SNTG1: variants seen among roughly 807,000 people sequenced by gnomAD.
SNTG1 encodes gamma-1-syntrophin.
A neutral mutation model predicts 74.7 loss-of-function variants in SNTG1; 39 were observed. The observed-to-expected ratio is 0.52, with a 90% confidence interval of 0.40 to 0.68. The LOEUF is 0.68. SNTG1 is among the 30% of genes least tolerant of loss of function. SNTG1 has a pLI of 0.00. For missense variants in SNTG1, 685 were observed against 609.5 expected (o/e 1.12, Z -1.30); for synonymous variants, 254 against 217.1 (o/e 1.17, Z -1.49).
chr8:50,449,366 G>T (rs1456201994), intron 5 of SNTG1, among the ~76,000 whole-genome samples: 2 of 152,156 alleles, frequency 1.3e-5, no homozygotes, highest in African/African-American at 4.8e-5. Flanking sequence ...TCCTAAATAA[G>T]AATTTCTATT....
intron 2 of SNTG1, among the ~76,000 whole-genome samples, chr8:50,190,846 T>C (rs369295050): frequency 5.1e-4 from 78 of 152,218 alleles, no homozygotes; most frequent in African/African-American, 1.8e-3. Context: ...GTTCACTCTT[T>C]CAGTAGGTGA....
intron 1 of SNTG1, among the ~76,000 whole-genome samples, chr8:50,144,535 A>G (rs1047148746): frequency 6.6e-6 from 1 of 152,182 alleles, no homozygotes; most frequent in Non-Finnish European, 1.5e-5. Context: ...GCTGTAAGTG[A>G]AGGGTGAGAA....
chr8:50,304,223 G>C (rs912523622), intron 2 of SNTG1, among the ~76,000 whole-genome samples: 10 of 152,092 alleles, frequency 6.6e-5, no homozygotes, highest in African/African-American at 2.4e-4. Flanking sequence ...TTTTCTGTCT[G>C]TCTCTCCCAC....
chr8:50,482,435 C>A (rs1351045461), intron 8 of SNTG1, among the ~76,000 whole-genome samples: 2 of 152,154 alleles, frequency 1.3e-5, no homozygotes, highest in Admixed American at 6.5e-5. Context: ...GTGAGAATTA[C>A]CCTCAGTAGT....
At chr8:50,632,598 C>T (rs977861630) in intron 13 of SNTG1, among the ~76,000 whole-genome samples, 1 of 152,126 alleles carries the variant, frequency 6.6e-6, no homozygotes, top group Non-Finnish European at 1.5e-5. Context: ...GCATGAGCCA[C>T]CACACCCAGC....
chr8:50,431,153 A>G (rs572361952), intron 4 of SNTG1, among the ~76,000 whole-genome samples: 1 of 152,196 alleles, frequency 6.6e-6, no homozygotes. Flanking sequence ...AGACATTTGC[A>G]TACATTAAGG....
rs768232312 is a variant in SNTG1, at chr8:50,752,128, C to T, written c.1395+17C>T. 2 of 1,383,642 alleles carry T rather than the reference C, an allele frequency of 1.4e-6. No individual in the cohort carries two copies. The highest frequency in any genetic ancestry group is 2.0e-6 in the Non-Finnish European group (2 of 1,020,782). 85.7% of individuals were successfully genotyped at this position (1,383,642 alleles called of 1,614,324 possible). On this transcript the variant is annotated intron_variant, in intron 18 of 18. Coordinates refer to ENST00000642720, the MANE Select transcript of SNTG1 (RefSeq NM_018967.5). ...GAAGCAAAGGTAAACCCAAGAAATT[C>T]ATCACATAACACCTCTAACTACATT...
intron 8 of SNTG1, among the ~76,000 whole-genome samples, chr8:50,455,107 C>T (rs2093492890): frequency 6.6e-6 from 1 of 152,096 alleles, no homozygotes; most frequent in Admixed American, 6.5e-5. Flanking sequence ...TTCCTCTCTT[C>T]ACTAGAAATA....
intron 1 of SNTG1, among the ~76,000 whole-genome samples, chr8:49,924,612 C>T (rs1806850955): frequency 6.6e-6 from 1 of 152,088 alleles, no homozygotes; most frequent in East Asian, 1.9e-4. Flanking sequence ...AGAATGTCTG[C>T]AATTTGTTTC....
At chr8:50,419,283 A>G (rs2093052022) in intron 4 of SNTG1, among the ~76,000 whole-genome samples, 1 of 152,208 alleles carries the variant, frequency 6.6e-6, no homozygotes, top group African/African-American at 2.4e-5. Flanking sequence ...ACACACACAC[A>G]AAAGTGCCCT....
chr8:50,579,420 A>G (rs180673313), intron 12 of SNTG1, among the ~76,000 whole-genome samples: 17 of 152,358 alleles, frequency 1.1e-4, no homozygotes, highest in Non-Finnish European at 2.2e-4. Context: ...GGCTGCAGAC[A>G]TCAGCATAAG....
chr8:50,373,007 T>C (rs2092302389), intron 2 of SNTG1, among the ~76,000 whole-genome samples: 3 of 152,170 alleles, frequency 2.0e-5, no homozygotes, highest in Admixed American at 1.3e-4. Flanking sequence ...ATAACTATAT[T>C]TAAACATTTA....
At chr8:49,948,722 T>C (rs983589422) in intron 1 of SNTG1, among the ~76,000 whole-genome samples, 1 of 152,196 alleles carries the variant, frequency 6.6e-6, no homozygotes, top group Non-Finnish European at 1.5e-5. Context: ...CATTCATGAT[T>C]GATGCCTAAA....
At chr8:50,049,637 T>C (rs1398059822) in intron 1 of SNTG1, among the ~76,000 whole-genome samples, 1 of 152,018 alleles carries the variant, frequency 6.6e-6, no homozygotes, top group Non-Finnish European at 1.5e-5. Flanking sequence ...CTCAATCAAC[T>C]AAATCTAGTT....
At chr8:50,318,235 T>C (rs918255812) in intron 2 of SNTG1, among the ~76,000 whole-genome samples, 1 of 152,066 alleles carries the variant, frequency 6.6e-6, no homozygotes, top group Non-Finnish European at 1.5e-5. Context: ...TTCTTGCAGC[T>C]GTTCTCAACA....
intron 1 of SNTG1, chr8:50,164,053 C>G (rs1433622569): frequency 1.3e-5 from 2 of 149,312 alleles, no homozygotes; most frequent in African/African-American, 4.9e-5. Context: ...TTTTAATGTT[C>G]CCATTGATCT....
intron 1 of SNTG1, among the ~76,000 whole-genome samples, chr8:50,150,029 T>C (rs2082008736): frequency 6.6e-6 from 1 of 152,094 alleles, no homozygotes; most frequent in Admixed American, 6.6e-5. Context: ...TCCATGACCA[T>C]GGAATGTTCT....
chr8:50,736,980 C>A (rs180781608), intron 17 of SNTG1, among the ~76,000 whole-genome samples: 28 of 151,978 alleles, frequency 1.8e-4, no homozygotes, highest in African/African-American at 5.8e-4. Context: ...AAAATCAATA[C>A]CCTATCAGCA....
chr8:50,545,820 G>T (rs982020913), intron 11 of SNTG1, among the ~76,000 whole-genome samples: 5 of 152,126 alleles, frequency 3.3e-5, no homozygotes, highest in African/African-American at 1.2e-4. Flanking sequence ...ACTGGTGGAT[G>T]AAATTTAGTA....
Sources: gnomAD v4.1 joint callset for allele counts (sites outside exome capture counted in the v4.1 genomes callset) on GRCh38, gnomAD v4.1.1 for gene constraint, MANE v1.5 for transcripts, NCBI Gene and HGNC (gene_info 2026-07-23, HGNC 2026-07-21) for gene names.